The following TMEM132D variants were observed in gnomAD, a reference collection of about 807,000 sequenced individuals.
The protein encoded by TMEM132D is transmembrane protein 132D, also known as mature OL transmembrane protein.
A neutral mutation model predicts 62.3 loss-of-function variants in TMEM132D; 21 were observed. The ratio of observed to expected loss-of-function variants is 0.34; its 90% CI spans 0.24 to 0.49. The LOEUF is 0.49. Ranked by LOEUF, TMEM132D falls within the 20% of genes least tolerant of loss-of-function variation. TMEM132D has a pLI of 0.99. For missense variants in TMEM132D, 1,346 were observed against 1,402.8 expected (o/e 0.96, Z 0.65); for synonymous variants, 621 against 575.6 (o/e 1.08, Z -1.13).
At chr12:129,244,403 A>ATC (rs35387239) in intron 4 of TMEM132D, among the ~76,000 whole-genome samples, 1 of 145,602 alleles carries the variant, frequency 6.9e-6, no homozygotes, top group African/African-American at 2.6e-5. Context: ...AAAAAAAAAA[A>ATC]AAAAAACAAA....
At chr12:129,157,607 A>T (rs1181234321) in intron 5 of TMEM132D, among the ~76,000 whole-genome samples, 1 of 152,258 alleles carries the variant, frequency 6.6e-6, no homozygotes, top group Non-Finnish European at 1.5e-5. Flanking sequence ...CAAACTTTAC[A>T]AATGCAAATG....
intron 1 of TMEM132D, among the ~76,000 whole-genome samples, chr12:129,864,338 G>A (rs1873992454): frequency 1.3e-5 from 2 of 152,188 alleles, no homozygotes; most frequent in African/African-American, 2.4e-5. Context: ...CAGCCCCACA[G>A]GGCTGCGTCT....
intron 3 of TMEM132D, among the ~76,000 whole-genome samples, chr12:129,459,122 C>T (rs893053662): frequency 2.0e-5 from 3 of 152,110 alleles, no homozygotes; most frequent in Admixed American, 6.5e-5. Flanking sequence ...GTGACTTTCC[C>T]TTCACCTTGG....
chr12:129,482,214 G>A (rs138499156), intron 3 of TMEM132D, among the ~76,000 whole-genome samples: 58 of 152,176 alleles, frequency 3.8e-4, no homozygotes, highest in African/African-American at 1.2e-3. Context: ...GTGCTTATGC[G>A]TTTATTGCAT....
chr12:129,740,506 C>A (rs955405990), intron 1 of TMEM132D, among the ~76,000 whole-genome samples: 3 of 152,182 alleles, frequency 2.0e-5, no homozygotes, highest in Non-Finnish European at 4.4e-5. Flanking sequence ...TCATGATACA[C>A]ATCCATGTCT....
intron 1 of TMEM132D, among the ~76,000 whole-genome samples, chr12:129,776,189 C>T (rs989561549): frequency 3.3e-5 from 5 of 152,192 alleles, no homozygotes; most frequent in African/African-American, 1.2e-4. Context: ...TAATCCTGGG[C>T]TGTAAATGCT....
intron 5 of TMEM132D, among the ~76,000 whole-genome samples, chr12:129,134,146 GTC>G (rs1876478483): frequency 3.4e-5 from 5 of 148,560 alleles, no homozygotes; most frequent in Non-Finnish European, 6.0e-5. Flanking sequence ...GTGTGTGTGT[GTC>G]TGTGTCTGTG....
At chr12:129,087,626 C>T (rs987024528) in intron 5 of TMEM132D, among the ~76,000 whole-genome samples, 3 of 152,064 alleles carry the variant, frequency 2.0e-5, no homozygotes, top group African/African-American at 4.8e-5. Flanking sequence ...TGCTGGAAAA[C>T]GCGAGGAAGC....
At chr12:129,107,271 T>G (rs1289007033) in intron 5 of TMEM132D, among the ~76,000 whole-genome samples, 1 of 152,216 alleles carries the variant, frequency 6.6e-6, no homozygotes, top group Non-Finnish European at 1.5e-5. Context: ...AAATGAATGT[T>G]TTAAAGCTCC....
At chr12:129,457,967 C>T (rs1873532911) in intron 3 of TMEM132D, among the ~76,000 whole-genome samples, 1 of 152,178 alleles carries the variant, frequency 6.6e-6, no homozygotes, top group Non-Finnish European at 1.5e-5. Context: ...TGGTGCATTG[C>T]CTGATCTTGG....
chr12:129,628,367 G>A lies in TMEM132D; in HGVS notation c.968+71443C>T, dbSNP rs115636348. Reference sequence around the variant, plus strand: ...GCAGAGCAGGGCAATGTCACAGGAGGCAGGAGGGATGGGTGCATGAAACCC... The same window carrying A: ...GCAGAGCAGGGCAATGTCACAGGAGACAGGAGGGATGGGTGCATGAAACCC... On this transcript the variant is annotated intron_variant, in intron 2 of 8. Transcript: ENST00000422113. Among the ~76,000 whole-genome samples the A allele has an allele frequency of 2.0e-5, 3 of 152,194 alleles. No individual in the cohort carries two copies. The South Asian group carries it at 6.2e-4, about 32-fold the overall frequency.
At chr12:129,443,963 A>T (rs1873017661) in intron 3 of TMEM132D, among the ~76,000 whole-genome samples, 1 of 152,196 alleles carries the variant, frequency 6.6e-6, no homozygotes, top group South Asian at 2.1e-4. Context: ...AAGGTCACAC[A>T]CCTACAACTA....
intron 1 of TMEM132D, among the ~76,000 whole-genome samples, chr12:129,739,644 A>C (rs2218917): frequency 0.034 from 5,196 of 152,254 alleles, 252 homozygotes; most frequent in East Asian, 0.15. Context: ...ATGCATCCCA[A>C]TGAATGAGAT....
At chr12:129,289,822 G>A (rs1881402570) in intron 4 of TMEM132D, among the ~76,000 whole-genome samples, 1 of 152,130 alleles carries the variant, frequency 6.6e-6, no homozygotes, top group South Asian at 2.1e-4. Flanking sequence ...GTCCAGCCTG[G>A]ACAACATAGC....
chr12:129,721,960 C>T (rs1234944905), intron 1 of TMEM132D, among the ~76,000 whole-genome samples: 1 of 152,238 alleles, frequency 6.6e-6, no homozygotes, highest in Non-Finnish European at 1.5e-5. Context: ...ATAACCACAA[C>T]TTAATTGCCC....
intron 2 of TMEM132D, among the ~76,000 whole-genome samples, chr12:129,564,304 G>T (rs1301351481): frequency 6.6e-6 from 1 of 152,184 alleles, no homozygotes; most frequent in East Asian, 1.9e-4. Context: ...ATGTGGCATA[G>T]TTCCTGCAAA....
At chr12:129,404,583 T>C (rs1428392686) in intron 3 of TMEM132D, among the ~76,000 whole-genome samples, 2 of 152,144 alleles carry the variant, frequency 1.3e-5, no homozygotes, top group African/African-American at 4.8e-5. Flanking sequence ...CAGCATCTGC[T>C]CCTGTGGAGG....
intron 3 of TMEM132D, among the ~76,000 whole-genome samples, chr12:129,525,243 T>G (rs992932127): frequency 1.7e-4 from 24 of 140,016 alleles, no homozygotes; most frequent in East Asian, 6.3e-4. Context: ...TTTTTTTTTT[T>G]TTTTTTTTTT....
intron 3 of TMEM132D, among the ~76,000 whole-genome samples, chr12:129,504,886 A>G (rs1875282406): frequency 6.6e-6 from 1 of 152,186 alleles, no homozygotes; most frequent in Non-Finnish European, 1.5e-5. Context: ...CCTTTGCTGT[A>G]TCCCACAGGT....
Sources: allele counts gnomAD v4.1 joint callset (sites outside exome capture counted in the v4.1 genomes callset), GRCh38; gene constraint gnomAD v4.1.1; transcripts MANE v1.5; gene names NCBI Gene and HGNC (gene_info 2026-07-23, HGNC 2026-07-21).